CTNNA3: variants seen among roughly 807,000 people sequenced by gnomAD.
CTNNA3 encodes the protein catenin alpha 3, also known as catenin alpha-3.
A neutral mutation model predicts 95.7 loss-of-function variants in CTNNA3; 76 were observed. The observed-to-expected ratio is 0.79, with a 90% confidence interval of 0.66 to 0.96. CTNNA3 has a LOEUF of 0.96. Ranked by LOEUF, CTNNA3 falls within the 40% of genes least tolerant of loss-of-function variation. The probability of loss-of-function intolerance (pLI) is 0.00; values close to 1 mark genes in which losing one functional copy is unlikely to be tolerated. For missense variants in CTNNA3, 1,191 were observed against 1,089.8 expected, an observed-to-expected ratio of 1.09 and a Z score of -1.31; for synonymous variants, 431 against 374.4, an observed-to-expected ratio of 1.15 and a Z score of -1.74.
intron 9 of CTNNA3, among the ~76,000 whole-genome samples, chr10:66,743,193 A>G (rs1161719092): frequency 1.3e-5 from 2 of 152,168 alleles, no homozygotes; most frequent in Non-Finnish European, 2.9e-5. Flanking sequence ...TGTAAGATAC[A>G]TGTATTTTAC....
intron 5 of CTNNA3, among the ~76,000 whole-genome samples, chr10:67,265,680 A>G (rs1230298315): frequency 6.6e-6 from 1 of 152,182 alleles, no homozygotes; most frequent in Non-Finnish European, 1.5e-5. Context: ...ACTCAGAGAC[A>G]TCAGGTACTG....
At chr10:66,995,865 T>G (rs914506054) in intron 7 of CTNNA3, among the ~76,000 whole-genome samples, 1 of 152,242 alleles carries the variant, frequency 6.6e-6, no homozygotes, top group African/African-American at 2.4e-5. Context: ...TACACTTCCA[T>G]CTTTGTTTCA....
chr10:66,699,934 G>C (rs1198994269), intron 9 of CTNNA3, among the ~76,000 whole-genome samples: 2 of 152,122 alleles, frequency 1.3e-5, no homozygotes, highest in African/African-American at 4.8e-5. Flanking sequence ...TGGGATTACA[G>C]GTGTGAGCCA....
At chr10:66,495,950 T>G (rs10997190) in intron 11 of CTNNA3, among the ~76,000 whole-genome samples, 12,520 of 152,098 alleles carry the variant, frequency 0.082, 1,211 homozygotes, top group East Asian at 0.32. Context: ...AAACCACCAC[T>G]CCTGGCCTGG....
At chr10:66,592,438 C>T (rs1189095621) in intron 10 of CTNNA3, among the ~76,000 whole-genome samples, 1 of 152,056 alleles carries the variant, frequency 6.6e-6, no homozygotes, top group Non-Finnish European at 1.5e-5. Context: ...TACAATGTTC[C>T]CCAATTGTAC....
At chr10:67,499,553 G>A (rs560110193) in intron 5 of CTNNA3, among the ~76,000 whole-genome samples, 20 of 152,224 alleles carry the variant, frequency 1.3e-4, no homozygotes, top group Non-Finnish European at 1.8e-4. Context: ...CTGTGAATCC[G>A]TCTGGTCCTG....
chr10:67,437,292 A>G (rs1300295208), intron 5 of CTNNA3, among the ~76,000 whole-genome samples: 1 of 152,154 alleles, frequency 6.6e-6, no homozygotes, highest in African/African-American at 2.4e-5. Context: ...AGGCATAAGA[A>G]TGATACAATG....
chr10:65,941,864 T>G (rs991633712), intron 17 of CTNNA3, among the ~76,000 whole-genome samples: 1 of 151,654 alleles, frequency 6.6e-6, no homozygotes, highest in Non-Finnish European at 1.5e-5. Context: ...GAAAAAAAAA[T>G]GGGGTAAAAG....
intron 5 of CTNNA3, among the ~76,000 whole-genome samples, chr10:67,234,094 A>G (rs1174326663): frequency 1.3e-5 from 2 of 152,178 alleles, no homozygotes; most frequent in Non-Finnish European, 2.9e-5. Context: ...ACAAGGAGGA[A>G]CTGGTACCAT....
rs3056794 is a variant in CTNNA3 at position 67,208,378 on chromosome 10, C to CAAAA, written c.843+11225_843+11228dup. Among the ~76,000 whole-genome samples, 128 of 93,150 alleles carry CAAAA rather than the reference C, an allele frequency of 1.4e-3. 1 individual carries two copies. Among genetic ancestry groups the CAAAA allele is most frequent in the African/African-American group, 4.1e-3 (119 of 29,112 alleles). The allele number at this position is 93,150 out of a possible 152,430, so 61.1% of individuals were successfully genotyped here. On this transcript the variant is annotated intron_variant, in intron 6 of 17. Coordinates refer to ENST00000433211, the MANE Select transcript of CTNNA3 (RefSeq NM_013266.4). Reference sequence around the variant, plus strand: ...TGGGTGACAGAGCAAGACTCTGTCTCAAAAAAAAAAAAAAAAATAGCCACA... The same window carrying CAAAA: ...TGGGTGACAGAGCAAGACTCTGTCTCAAAAAAAAAAAAAAAAAAAAATAGCCACA...
intron 9 of CTNNA3, among the ~76,000 whole-genome samples, chr10:66,650,394 A>T (rs1373387811): frequency 6.6e-6 from 1 of 152,230 alleles, no homozygotes; most frequent in East Asian, 1.9e-4. Flanking sequence ...AATATATGAA[A>T]CTTAAACAAT....
At chr10:66,065,173 A>G (rs1040497034) in intron 15 of CTNNA3, among the ~76,000 whole-genome samples, 3 of 152,154 alleles carry the variant, frequency 2.0e-5, no homozygotes, top group Non-Finnish European at 2.9e-5. Context: ...TTCTCAGCTC[A>G]TTCATTCAAG....
intron 5 of CTNNA3, among the ~76,000 whole-genome samples, chr10:67,443,984 C>CA (rs1353118448): frequency 2.0e-5 from 3 of 152,084 alleles, no homozygotes; most frequent in African/African-American, 7.2e-5. Context: ...CAGAATTGGA[C>CA]AGATCTTCCA....
intron 9 of CTNNA3, among the ~76,000 whole-genome samples, chr10:66,693,483 G>A (rs1254451638): frequency 1.3e-5 from 2 of 151,254 alleles, no homozygotes; most frequent in Non-Finnish European, 1.5e-5. Flanking sequence ...GACCTACAAC[G>A]AGACTTAGAC....
intron 6 of CTNNA3, among the ~76,000 whole-genome samples, chr10:67,189,317 AG>A (rs1038304430): frequency 4.6e-5 from 7 of 152,038 alleles, no homozygotes; most frequent in Non-Finnish European, 8.8e-5. Flanking sequence ...ACCAGGGGCT[AG>A]GGGGCAGGGA....
intron 5 of CTNNA3, among the ~76,000 whole-genome samples, chr10:67,394,521 T>C (rs1339006951): frequency 6.6e-6 from 1 of 152,102 alleles, no homozygotes; most frequent in Non-Finnish European, 1.5e-5. Context: ...GAAAGAGTAA[T>C]TCTCCAAAAT....
chr10:67,003,793 TA>T (rs1851814554), intron 7 of CTNNA3, among the ~76,000 whole-genome samples: 1 of 152,194 alleles, frequency 6.6e-6, no homozygotes, highest in African/African-American at 2.4e-5. Context: ...ATTGAGAGGT[TA>T]ATTTTGTTAA....
intron 10 of CTNNA3, among the ~76,000 whole-genome samples, chr10:66,620,579 G>C (rs1844710222): frequency 6.6e-6 from 1 of 152,184 alleles, no homozygotes; most frequent in South Asian, 2.1e-4. Flanking sequence ...AACACTTAAA[G>C]AGTGTTGATG....
At chr10:67,613,318 T>G (rs1168600439) in intron 2 of CTNNA3, among the ~76,000 whole-genome samples, 1 of 151,780 alleles carries the variant, frequency 6.6e-6, no homozygotes, top group Non-Finnish European at 1.5e-5. Context: ...TGACTCATCC[T>G]GAAAACACAG....
Sources: gnomAD v4.1 joint callset for allele counts (sites outside exome capture counted in the v4.1 genomes callset) on GRCh38, gnomAD v4.1.1 for gene constraint, MANE v1.5 for transcripts, NCBI Gene and HGNC (gene_info 2026-07-23, HGNC 2026-07-21) for gene names.